Variants in CCDC30 observed in about 807,000 individuals in gnomAD.
CCDC30 encodes the protein coiled-coil domain-containing protein 30.
CCDC30 carries 70 observed loss-of-function variants against 100.2 expected under a neutral mutation model. The observed-to-expected ratio is 0.70, with a 90% CI of 0.58 to 0.85. The LOEUF is 0.85. Among genes scored for constraint, CCDC30 ranks in the 40% least tolerant of loss-of-function variants. CCDC30 has a pLI of 0.00. For missense variants in CCDC30, 652 were observed against 771.2 expected (o/e 0.85, Z 1.83); for synonymous variants, 233 against 269.5 (o/e 0.86, Z 1.33).
rs928025724 is a variant in CCDC30 at position 42,490,249 on chromosome 1, A to T, written c.241+20A>T. On this transcript the variant is annotated intron_variant, in intron 4 of 16. Coordinates refer to ENST00000668663, the Ensembl canonical transcript of CCDC30. ...AAAATGGTAAGTCATTCTAGAAGAT[A>T]TGATGATTATTATTTAGTAGCCAAG... 1.8e-6 allele frequency: 2 copies of T among 1,085,488 alleles called. No individual in the cohort carries two copies. Among genetic ancestry groups the T allele is most frequent in the African/African-American group, 3.3e-5 (2 of 61,498 alleles). The allele number at this position is 1,085,488 out of a possible 1,614,324, so 67.2% of individuals were successfully genotyped here.
At chr1:42,494,012 A>C (rs1043521278) in intron 4 of CCDC30, among the ~76,000 whole-genome samples, 1 of 152,174 alleles carries the variant, frequency 6.6e-6, no homozygotes, top group Non-Finnish European at 1.5e-5. Context: ...TCAAGAGTTC[A>C]AGACCAGCCT....
At chr1:42,598,305 G>A (rs954631047) in intron 10 of CCDC30, among the ~76,000 whole-genome samples, 9 of 151,684 alleles carry the variant, frequency 5.9e-5, no homozygotes, top group East Asian at 1.9e-4. Flanking sequence ...TCTCTTGAGC[G>A]AAGGAGTTCA....
chr1:42,472,828 A>G (rs1334470604), intron 1 of CCDC30, among the ~76,000 whole-genome samples: 3 of 152,200 alleles, frequency 2.0e-5, no homozygotes, highest in Non-Finnish European at 4.4e-5. Flanking sequence ...GACTCTAGTC[A>G]TATATACATA....
intron 11 of CCDC30, among the ~76,000 whole-genome samples, chr1:42,612,358 G>C (rs1288953121): frequency 6.6e-6 from 1 of 152,126 alleles, no homozygotes; most frequent in Non-Finnish European, 1.5e-5. Flanking sequence ...ATATGCATTA[G>C]AGCCCATGTG....
rs72957993 is a variant in CCDC30 at position 42,573,001 on chromosome 1, A to G, written c.637-4019A>G. On this transcript the variant is annotated intron_variant, in intron 7 of 16. Transcript: ENST00000668663. ...GTGCCAATACTATGCTATCATGATT[A>G]TTTTAGCTTTATATAAATATTAACA... Among the ~76,000 whole-genome samples the G allele has an allele frequency of 8.1e-3, 1,230 of 152,272 alleles. 11 individuals carry two copies. Among genetic ancestry groups the G allele is most frequent in the African/African-American group, 0.027 (1,112 of 41,536 alleles).
At chr1:42,573,311 C>T (rs1317452977) in intron 7 of CCDC30, among the ~76,000 whole-genome samples, 1 of 152,050 alleles carries the variant, frequency 6.6e-6, no homozygotes, top group Non-Finnish European at 1.5e-5. Context: ...TAATTTCTCT[C>T]AATATTTAAA....
the CCDC30 span, chr1:42,457,325 T>A: frequency 3.1e-6 from 5 of 1,614,198 alleles, no homozygotes; most frequent in Non-Finnish European, 8.5e-7. Context: ...GAACACAAGA[T>A]CCAGTCATCT....
At chr1:42,598,459 T>G (rs888260918) in intron 10 of CCDC30, among the ~76,000 whole-genome samples, 1 of 151,902 alleles carries the variant, frequency 6.6e-6, no homozygotes, top group Non-Finnish European at 1.5e-5. Context: ...GTGGAAGGAA[T>G]TTTTGAGCCC....
At position 42,553,652 on chromosome 1, in the gene CCDC30, T is replaced by TACACACACACACACAC. The variant is rs60429759; in HGVS notation, c.457-12619_457-12604dup. 6.1e-4 allele frequency among the ~76,000 whole-genome samples: 82 copies of TACACACACACACACAC among 133,828 alleles called. 1 individual carries two copies. Among genetic ancestry groups the TACACACACACACACAC allele is most frequent in the African/African-American group, 7.4e-4 (26 of 35,128 alleles). The allele number at this position is 133,828 out of a possible 152,430, so 87.8% of individuals were successfully genotyped here. A position where few individuals can be genotyped will look rare whatever the true frequency, so the allele number is the denominator to read the frequency against. ...GCCTGGGTGACAAGGTGAGATTCCA[T>TACACACACACACACAC]ACACACACACACACACACACACACA... On this transcript the variant is annotated intron_variant, in intron 6 of 16. Transcript: ENST00000668663.
At chr1:42,630,035 C>G (rs956434931) in intron 11 of CCDC30, among the ~76,000 whole-genome samples, 1 of 147,352 alleles carries the variant, frequency 6.8e-6, no homozygotes, top group Non-Finnish European at 1.5e-5. Flanking sequence ...AGTGCAGTGC[C>G]GCAATCTCAG....
At chr1:42,484,556 T>C (rs1349881693) in intron 3 of CCDC30, among the ~76,000 whole-genome samples, 1 of 152,210 alleles carries the variant, frequency 6.6e-6, no homozygotes, top group Non-Finnish European at 1.5e-5. Context: ...GTGAGTCTAT[T>C]AGGACTGCTG....
chr1:42,469,480 C>T lies in CCDC30; in HGVS notation c.-92+5582C>T, dbSNP rs562423112. Among the ~76,000 whole-genome samples, 4 of 152,244 alleles carry T rather than the reference C, an allele frequency of 2.6e-5. No individual in the cohort carries two copies. The South Asian group carries it at 8.3e-4, about 32-fold the overall frequency. On this transcript the variant is annotated intron_variant, in intron 1 of 16. Coordinates refer to ENST00000668663, the Ensembl canonical transcript of CCDC30. ...GGGAGACAAATTGTCCAAAACAGGA[C>T]AGTAGCTAGAGAGGTATATGGTGGG... is the stretch of plus-strand genomic sequence containing the variant.
At chr1:42,575,977 T>C (rs1378938394) in intron 7 of CCDC30, among the ~76,000 whole-genome samples, 1 of 152,144 alleles carries the variant, frequency 6.6e-6, no homozygotes, top group African/African-American at 2.4e-5. Flanking sequence ...TACCAACCAG[T>C]GTGACAGGAG....
chr1:42,536,699 T>C (rs1429167137), intron 6 of CCDC30, 98 bp downstream of exon 7: 1 of 874,816 alleles, frequency 1.1e-6, no homozygotes, highest in African/African-American at 1.7e-5. Context: ...GTGTCTCAGC[T>C]TGGGCTGCCA....
chr1:42,463,039 A>G (rs1643452522), upstream of CCDC30, among the ~76,000 whole-genome samples: 1 of 152,234 alleles, frequency 6.6e-6, no homozygotes, highest in Non-Finnish European at 1.5e-5. Flanking sequence ...GAACGCCCCA[A>G]GACAAAATGT....
intron 2 of CCDC30, 63 bp downstream of exon 2, chr1:42,480,629 C>T (rs964882270): frequency 2.0e-5 from 20 of 984,816 alleles, no homozygotes; most frequent in Non-Finnish European, 2.4e-5. Flanking sequence ...ATGTACGTTT[C>T]ATTTATATAT....
intron 11 of CCDC30, among the ~76,000 whole-genome samples, chr1:42,619,621 T>C (rs1646792351): frequency 6.6e-6 from 1 of 152,126 alleles, no homozygotes; most frequent in Non-Finnish European, 1.5e-5. Flanking sequence ...TCTTGTTATA[T>C]AGATGAAACC....
At chr1:42,551,821 C>CA (rs1553193759) in intron 6 of CCDC30, among the ~76,000 whole-genome samples, 1 of 151,440 alleles carries the variant, frequency 6.6e-6, no homozygotes. Flanking sequence ...GTGGTGCCAT[C>CA]ACAGCTCACT....
intron 6 of CCDC30, among the ~76,000 whole-genome samples, chr1:42,507,331 G>A (rs1245825935): frequency 3.9e-5 from 6 of 152,152 alleles, no homozygotes; most frequent in African/African-American, 1.2e-4. Context: ...GCTGAAATGC[G>A]AATTAGTGTC....
Sources: allele counts gnomAD v4.1 joint callset (sites outside exome capture counted in the v4.1 genomes callset), GRCh38; gene constraint gnomAD v4.1.1; transcripts MANE v1.5; gene names NCBI Gene and HGNC (gene_info 2026-07-23, HGNC 2026-07-21).